Variants in PDZRN3 observed in about 807,000 individuals in gnomAD.
PDZRN3 encodes the protein PDZ domain containing ring finger 3, also known as E3 ubiquitin-protein ligase PDZRN3.
Under a neutral mutation model 85.7 loss-of-function variants are expected in PDZRN3, and 38 were observed. The ratio of observed to expected loss-of-function variants is 0.44; its 90% CI spans 0.34 to 0.58. The LOEUF is 0.58. Ranked by LOEUF, PDZRN3 falls within the 20% of genes least tolerant of loss-of-function variation. The pLI is 0.01. For synonymous variants in PDZRN3, 759 were observed against 638.0 expected (o/e 1.19, Z -2.86); for missense variants, 1,629 against 1,506.4 (o/e 1.08, Z -1.35).
At chr3:73,397,249 C>T (rs1452017862) in intron 5 of PDZRN3, among the ~76,000 whole-genome samples, 1 of 152,156 alleles carries the variant, frequency 6.6e-6, no homozygotes, top group Admixed American at 6.5e-5. Context: ...TCTCAACACA[C>T]TCATACATAT....
At chr3:73,483,701 T>C (rs1287233091) in intron 3 of PDZRN3, among the ~76,000 whole-genome samples, 1 of 152,216 alleles carries the variant, frequency 6.6e-6, no homozygotes, top group Non-Finnish European at 1.5e-5. Flanking sequence ...GTGGGTTTAA[T>C]TGACCATACC....
chr3:73,523,267 T>G (rs1334435631), intron 3 of PDZRN3, among the ~76,000 whole-genome samples: 1 of 151,788 alleles, frequency 6.6e-6, no homozygotes, highest in East Asian at 2.0e-4. Flanking sequence ...CCTCAGGTGA[T>G]CCACTCACCT....
intron 3 of PDZRN3, among the ~76,000 whole-genome samples, chr3:73,482,660 C>A (rs1703588333): frequency 6.6e-6 from 1 of 152,182 alleles, no homozygotes; most frequent in Admixed American, 6.5e-5. Flanking sequence ...AATTAAATAC[C>A]TAAACACACT....
At chr3:73,428,277 G>T (rs1178906696) in intron 3 of PDZRN3, among the ~76,000 whole-genome samples, 3 of 152,196 alleles carry the variant, frequency 2.0e-5, no homozygotes, top group Non-Finnish European at 4.4e-5. Context: ...TTGGCTGAAT[G>T]AATGAAAAAT....
chr3:73,467,663 A>G (rs181171333), intron 3 of PDZRN3, among the ~76,000 whole-genome samples: 1 of 152,328 alleles, frequency 6.6e-6, no homozygotes, highest in East Asian at 1.9e-4. Context: ...AGTGGGAGAT[A>G]AGAACCTCAG....
chr3:73,579,220 A>T (rs2106864039), intron 3 of PDZRN3, among the ~76,000 whole-genome samples: 1 of 152,300 alleles, frequency 6.6e-6, no homozygotes, highest in Admixed American at 6.5e-5. Flanking sequence ...AGAAGGTACC[A>T]TCTTTGATGC....
At chr3:73,595,800 T>A (rs79025807) in intron 3 of PDZRN3, among the ~76,000 whole-genome samples, 1 of 152,162 alleles carries the variant, frequency 6.6e-6, no homozygotes, top group South Asian at 2.1e-4. Flanking sequence ...GATATAGGCA[T>A]AGTTTCCAAG....
At chr3:73,471,581 T>G (rs1328967507) in intron 3 of PDZRN3, among the ~76,000 whole-genome samples, 1 of 152,214 alleles carries the variant, frequency 6.6e-6, no homozygotes, top group Non-Finnish European at 1.5e-5. Flanking sequence ...AGCCGGGCCA[T>G]GTCCTCTGAG....
chr3:73,384,465 T>A lies in PDZRN3; in HGVS notation c.2101A>T (p.Ser701Cys), dbSNP rs747762087. 1 of 1,612,966 alleles carries A rather than the reference T, an allele frequency of 6.2e-7. No homozygotes were observed. Among genetic ancestry groups the A allele is most frequent in the East Asian group, 2.2e-5 (1 of 44,886 alleles). ...TGCATCTTGTGGGCGCGCACGATGCTCAGGCACTCCAGCTCGATGCTGCGC... is the reference window on the plus strand; with the variant it reads ...TGCATCTTGTGGGCGCGCACGATGCACAGGCACTCCAGCTCGATGCTGCGC... ...ELRSIELECL[S>C]IVRAHKMQQL... The change falls in exon 10 of 10, where the codon AGC becomes TGC. Residue 701 changes from serine (S) to cysteine (C), a missense_variant. Transcript: ENST00000263666.
At chr3:73,438,223 T>C (rs913862024) in intron 3 of PDZRN3, among the ~76,000 whole-genome samples, 17 of 152,272 alleles carry the variant, frequency 1.1e-4, no homozygotes, top group African/African-American at 3.4e-4. Flanking sequence ...ACAAGGCATA[T>C]ACACAAAGGG....
chr3:73,573,866 G>A (rs1157913191), intron 3 of PDZRN3, among the ~76,000 whole-genome samples: 4 of 151,514 alleles, frequency 2.6e-5, no homozygotes, highest in African/African-American at 9.7e-5. Flanking sequence ...CCTTACCATA[G>A]TCAGCTCTAA....
rs1168019649 is a variant in PDZRN3, at chr3:73,532,174, G to GT, written c.918+70179dup. 9.7e-3 allele frequency among the ~76,000 whole-genome samples: 1,465 copies of GT among 151,568 alleles called. 23 individuals are homozygous for GT. Among genetic ancestry groups the GT allele is most frequent in the African/African-American group, 0.033 (1,360 of 41,174 alleles). On this transcript the variant is annotated intron_variant, in intron 3 of 9. Coordinates refer to ENST00000263666, the MANE Select transcript of PDZRN3 (RefSeq NM_015009.3). ...CACCACCACGCCCATCTGATTTTCTGTATTTTTTTTTTAGTAGAGACGGGG... is the reference window on the plus strand; with the variant it reads ...CACCACCACGCCCATCTGATTTTCTGTTATTTTTTTTTTAGTAGAGACGGGG...
At chr3:73,611,199 A>T (rs776053991) in intron 1 of PDZRN3, among the ~76,000 whole-genome samples, 2 of 152,202 alleles carry the variant, frequency 1.3e-5, no homozygotes, top group South Asian at 4.1e-4. Context: ...AAATTCCAAA[A>T]AAGAACTTAT....
chr3:73,578,405 C>T (rs989183744), intron 3 of PDZRN3, among the ~76,000 whole-genome samples: 25 of 152,190 alleles, frequency 1.6e-4, no homozygotes, highest in African/African-American at 4.1e-4. Context: ...CTCCTGACCT[C>T]GTGATCCGCC....
At chr3:73,471,789 G>C (rs1703346050) in intron 3 of PDZRN3, among the ~76,000 whole-genome samples, 1 of 152,180 alleles carries the variant, frequency 6.6e-6, no homozygotes, top group South Asian at 2.1e-4. Flanking sequence ...CTTCCGTTTA[G>C]AATGTTTATT....
intron 3 of PDZRN3, among the ~76,000 whole-genome samples, chr3:73,592,155 G>A (rs373756765): frequency 3.2e-4 from 49 of 151,992 alleles, no homozygotes; most frequent in African/African-American, 1.2e-3. Context: ...TTGGATGTGC[G>A]TTGCATTTAT....
At chr3:73,538,489 G>A (rs775395274) in intron 3 of PDZRN3, among the ~76,000 whole-genome samples, 6 of 152,156 alleles carry the variant, frequency 3.9e-5, no homozygotes, top group Non-Finnish European at 5.9e-5. Flanking sequence ...TTTACCTGAT[G>A]TACTTTTATA....
At chr3:73,575,991 G>C (rs1045873344) in intron 3 of PDZRN3, among the ~76,000 whole-genome samples, 1 of 152,132 alleles carries the variant, frequency 6.6e-6, no homozygotes, top group Non-Finnish European at 1.5e-5. Flanking sequence ...GATGAGGAAA[G>C]GAGGACAGGA....
At chr3:73,539,577 G>A (rs1158485569) in intron 3 of PDZRN3, among the ~76,000 whole-genome samples, 2 of 152,034 alleles carry the variant, frequency 1.3e-5, no homozygotes, top group Non-Finnish European at 2.9e-5. Context: ...AAGCCTGTGT[G>A]AGCCTCCTTG....
Sources: allele counts gnomAD v4.1 joint callset (sites outside exome capture counted in the v4.1 genomes callset), GRCh38; gene constraint gnomAD v4.1.1; transcripts MANE v1.5; gene names NCBI Gene and HGNC (gene_info 2026-07-23, HGNC 2026-07-21).